The following TMTC2 variants were observed in gnomAD, a reference collection of about 807,000 sequenced individuals.
TMTC2 encodes transmembrane O-mannosyltransferase targeting cadherins 2.
Under a neutral mutation model 82.4 loss-of-function variants are expected in TMTC2, and 43 were observed. The ratio of observed to expected loss-of-function variants is 0.52; its 90% CI spans 0.41 to 0.67. The LOEUF (loss-of-function observed/expected upper bound fraction) is 0.67. TMTC2 is among the 30% of genes least tolerant of loss of function. The pLI is 0.00. For synonymous variants in TMTC2, 408 were observed against 381.9 expected (o/e 1.07, Z -0.80); for missense variants, 919 against 1,012.4 (o/e 0.91, Z 1.25).
Position 82,750,464 on chromosome 12 carries a change from G to A in TMTC2, c.83+62795G>A, listed in dbSNP as rs11115379. Among the ~76,000 whole-genome samples the A allele has an allele frequency of 7.5e-3, 1,146 of 152,050 alleles. 18 individuals carry two copies. The highest frequency in any genetic ancestry group is 0.026 in the African/African-American group (1,091 of 41,452). On this transcript the variant is annotated intron_variant, in intron 1 of 11. Coordinates refer to ENST00000321196, the MANE Select transcript of TMTC2 (RefSeq NM_152588.3). ...ATTGGCATTCTGCACTCTGTTCTCC[G>A]CACCCAGTACCTCCAGGGGATAGAG... is the stretch of plus-strand genomic sequence containing the variant.
chr12:83,066,088 G>T (rs1056439344), intron 11 of TMTC2, among the ~76,000 whole-genome samples: 3 of 151,928 alleles, frequency 2.0e-5, no homozygotes, highest in Admixed American at 6.6e-5. Flanking sequence ...CTTAAGAAAT[G>T]TACAATCTAA....
chr12:82,702,122 A>G (rs112639440), intron 1 of TMTC2, among the ~76,000 whole-genome samples: 1,881 of 152,302 alleles, frequency 0.012, 32 homozygotes, highest in African/African-American at 0.043. Context: ...GAAATTGGCC[A>G]TTTTGGAGTA....
intron 1 of TMTC2, among the ~76,000 whole-genome samples, chr12:82,820,606 C>T (rs987769933): frequency 6.6e-6 from 1 of 152,142 alleles, no homozygotes; most frequent in Non-Finnish European, 1.5e-5. Flanking sequence ...AACTCCTGAC[C>T]TCAGGTGATC....
At chr12:82,728,055 G>C (rs1444981552) in intron 1 of TMTC2, among the ~76,000 whole-genome samples, 2 of 152,100 alleles carry the variant, frequency 1.3e-5, no homozygotes, top group Non-Finnish European at 2.9e-5. Flanking sequence ...CTCTTACACT[G>C]TTCTTCCTGT....
At chr12:83,065,726 A>G (rs922823123) in intron 11 of TMTC2, among the ~76,000 whole-genome samples, 1 of 151,926 alleles carries the variant, frequency 6.6e-6, no homozygotes, top group Non-Finnish European at 1.5e-5. Context: ...ACTAATGGGC[A>G]TGAAAAAATG....
intron 1 of TMTC2, among the ~76,000 whole-genome samples, chr12:82,704,429 A>G (rs1387363493): frequency 1.3e-5 from 2 of 152,208 alleles, no homozygotes. Context: ...ATATAAAAGT[A>G]GAGTAAATAC....
intron 1 of TMTC2, among the ~76,000 whole-genome samples, chr12:82,727,118 C>T (rs1337175834): frequency 2.0e-5 from 3 of 150,224 alleles, no homozygotes; most frequent in Non-Finnish European, 4.4e-5. Flanking sequence ...AAAAAAAAAA[C>T]AACCAGAAAA....
At chr12:82,716,394 C>T (rs905112940) in intron 1 of TMTC2, among the ~76,000 whole-genome samples, 12 of 143,518 alleles carry the variant, frequency 8.4e-5, no homozygotes, top group South Asian at 6.6e-4. Flanking sequence ...GACGGAGTCT[C>T]GCTTTGTCGC....
chr12:82,996,990 T>C (rs150642843), intron 8 of TMTC2, among the ~76,000 whole-genome samples: 93 of 152,148 alleles, frequency 6.1e-4, no homozygotes, highest in African/African-American at 2.1e-3. Flanking sequence ...AAGTAAAGGA[T>C]TAAGTTTCAA....
chr12:82,798,474 G>A (rs1228411980), intron 1 of TMTC2, among the ~76,000 whole-genome samples: 1 of 130,008 alleles, frequency 7.7e-6, no homozygotes, highest in Non-Finnish European at 1.6e-5. Context: ...TCCGGCCTGC[G>A]CGACAGAGGG....
At chr12:82,962,974 A>G (rs1213388190) in intron 4 of TMTC2, among the ~76,000 whole-genome samples, 1 of 152,034 alleles carries the variant, frequency 6.6e-6, no homozygotes. Flanking sequence ...TCAGGAAGGA[A>G]GGTGAATTCA....
intron 3 of TMTC2, among the ~76,000 whole-genome samples, chr12:82,917,057 G>C (rs1476128807): frequency 6.6e-6 from 1 of 152,002 alleles, no homozygotes; most frequent in Non-Finnish European, 1.5e-5. Flanking sequence ...GCTTACAAAG[G>C]CTCTTATTTC....
chr12:83,040,935 C>T (rs1458344525), intron 9 of TMTC2, among the ~76,000 whole-genome samples: 1 of 152,122 alleles, frequency 6.6e-6, no homozygotes, highest in East Asian at 1.9e-4. Flanking sequence ...CTGCCTGCCT[C>T]AGCCTCCCAA....
intron 7 of TMTC2, among the ~76,000 whole-genome samples, 155 bp from the exon 8 acceptor site, chr12:82,985,770 G>A (rs896624400): frequency 2.6e-5 from 4 of 152,104 alleles, no homozygotes; most frequent in Non-Finnish European, 4.4e-5. Context: ...GAATCATGAT[G>A]ACTTCTTTGG....
chr12:82,843,542 G>T (rs1238720154), intron 1 of TMTC2, among the ~76,000 whole-genome samples: 2 of 152,354 alleles, frequency 1.3e-5, no homozygotes, highest in South Asian at 4.1e-4. Context: ...GTGAGGGATA[G>T]ATTGGCAACA....
chr12:82,899,879 C>A, intron 3 of TMTC2, among the ~76,000 whole-genome samples: 1 of 138,438 alleles, frequency 7.2e-6, no homozygotes, highest in Non-Finnish European at 1.5e-5. Context: ...ATATACATAT[C>A]CGGAATATAG....
intron 1 of TMTC2, among the ~76,000 whole-genome samples, chr12:82,709,896 A>G (rs1051578435): frequency 6.6e-6 from 1 of 152,238 alleles, no homozygotes; most frequent in African/African-American, 2.4e-5. Flanking sequence ...CAAATAACAC[A>G]GAGGCAGTAA....
intron 3 of TMTC2, among the ~76,000 whole-genome samples, chr12:82,902,068 C>T (rs549504248): frequency 1.7e-4 from 26 of 152,260 alleles, no homozygotes; most frequent in East Asian, 3.9e-4. Flanking sequence ...TTTTCCCCCA[C>T]GGCTCTGGGA....
chr12:82,697,291 C>G (rs1399034943), intron 1 of TMTC2, among the ~76,000 whole-genome samples: 1 of 145,272 alleles, frequency 6.9e-6, no homozygotes, highest in Non-Finnish European at 1.5e-5. Flanking sequence ...ATGCAGTAGG[C>G]CAAGATCACG....
Sources: allele counts gnomAD v4.1 joint callset (sites outside exome capture counted in the v4.1 genomes callset), GRCh38; gene constraint gnomAD v4.1.1; transcripts MANE v1.5; gene names NCBI Gene and HGNC (gene_info 2026-07-23, HGNC 2026-07-21).